The following SYCP2L variants were observed in gnomAD, a reference collection of about 807,000 sequenced individuals.
SYCP2L encodes synaptonemal complex protein 2 like.
In SYCP2L, 98 loss-of-function variants were observed where a neutral mutation model predicts 125.8. The ratio of observed to expected loss-of-function variants is 0.78; its 90% CI spans 0.66 to 0.92. The LOEUF is 0.92. Among genes scored for constraint, SYCP2L ranks in the 40% least tolerant of loss-of-function variants. The pLI is 0.00. For synonymous variants in SYCP2L, 317 were observed against 325.4 expected, an observed-to-expected ratio of 0.97 and a Z score of 0.28; for missense variants, 842 against 936.4, an observed-to-expected ratio of 0.90 and a Z score of 1.32.
intron 21 of SYCP2L, among the ~76,000 whole-genome samples, chr6:10,941,288 C>T (rs981923905): frequency 2.6e-5 from 4 of 152,032 alleles, no homozygotes; most frequent in Admixed American, 6.6e-5. Flanking sequence ...CAACAAAAGC[C>T]AAAATTGACA....
chr6:10,912,770 T>A lies in SYCP2L; in HGVS notation c.1011+5T>A. 1 of 1,612,470 alleles carries A rather than the reference T, an allele frequency of 6.2e-7. No homozygotes were observed. Among genetic ancestry groups the A allele is most frequent in the Non-Finnish European group, 8.5e-7 (1 of 1,178,714 alleles). ...TTTTATATAGACAATGCTGAGGTAA[T>A]GATGTTCGATTCTTGGTTAGAACTA... On this transcript the variant is annotated splice_donor_5th_base_variant and intron_variant, in intron 13 of 29. Transcript: ENST00000283141. The surrounding 1 kb of genome is among the most constrained non-coding windows in gnomAD (Gnocchi z 4.1).
intron 9 of SYCP2L, among the ~76,000 whole-genome samples, 189 bp from the exon 10 acceptor site, chr6:10,907,353 C>CA (rs59459507): frequency 0.11 from 15,633 of 138,804 alleles, 2,129 homozygotes; most frequent in African/African-American, 0.32. Flanking sequence ...GAGACAATCT[C>CA]AAAAAAAAAA....
intron 8 of SYCP2L, among the ~76,000 whole-genome samples, chr6:10,905,164 A>G (rs867639739): frequency 5.6e-5 from 8 of 143,154 alleles, no homozygotes; most frequent in Middle Eastern, 7.1e-3. Context: ...AAAAAAAAAA[A>G]AAGAAGAAGA....
chr6:10,936,915 C>T (rs1781107858), intron 21 of SYCP2L, among the ~76,000 whole-genome samples: 2 of 152,154 alleles, frequency 1.3e-5, no homozygotes, highest in Non-Finnish European at 1.5e-5. Flanking sequence ...TATATATATG[C>T]ACCCAACATT....
At chr6:10,898,495 A>G (rs1780322861) in intron 5 of SYCP2L, among the ~76,000 whole-genome samples, 1 of 152,194 alleles carries the variant, frequency 6.6e-6, no homozygotes, top group Non-Finnish European at 1.5e-5. Flanking sequence ...AGCCTGGGAA[A>G]CAAGAGTGAA....
chr6:10,896,582 T>C (rs1780263088), intron 4 of SYCP2L, among the ~76,000 whole-genome samples: 1 of 152,150 alleles, frequency 6.6e-6, no homozygotes, highest in Non-Finnish European at 1.5e-5. Context: ...GGACATTTCT[T>C]TTCTTGTGCT....
chr6:10,967,454 G>GGTGTGTGT (rs3066151), intron 29 of SYCP2L, among the ~76,000 whole-genome samples: 3,300 of 138,858 alleles, frequency 0.024, 76 homozygotes, highest in African/African-American at 0.063. Context: ...TGGGGTAGAG[G>GGTGTGTGT]GTGTGTGTGT....
intron 23 of SYCP2L, among the ~76,000 whole-genome samples, chr6:10,946,289 T>C (rs1287936086): frequency 6.6e-6 from 1 of 152,182 alleles, no homozygotes. Flanking sequence ...GAAATCATAA[T>C]GTGTCATTTC....
In SYCP2L at chr6:10,928,394, C is replaced by T; in HGVS notation, c.1441-9C>T. 2 of 1,373,838 alleles carry T rather than the reference C, an allele frequency of 1.5e-6. No homozygotes were observed. Among genetic ancestry groups the T allele is most frequent in the Non-Finnish European group, 2.0e-6 (2 of 979,870 alleles). The allele number at this position is 1,373,838 out of a possible 1,614,324, so 85.1% of individuals were successfully genotyped here. On this transcript the variant is annotated splice_polypyrimidine_tract_variant and intron_variant, in intron 17 of 29. Coordinates refer to ENST00000283141, the MANE Select transcript of SYCP2L (RefSeq NM_001040274.3). ...TGAAATCTTCACAATCCACGTTCTTCTGCCATAGCTTCAGCCGGTCCCTCC... is the reference window on the plus strand; with the variant it reads ...TGAAATCTTCACAATCCACGTTCTTTTGCCATAGCTTCAGCCGGTCCCTCC...
intron 4 of SYCP2L, among the ~76,000 whole-genome samples, chr6:10,894,459 C>A (rs1305762597): frequency 6.6e-6 from 1 of 152,118 alleles, no homozygotes; most frequent in Non-Finnish European, 1.5e-5. Context: ...TGAGCCTATG[C>A]AGTAATTATT....
At chr6:10,902,110 G>A (rs1780386454) in intron 6 of SYCP2L, among the ~76,000 whole-genome samples, 1 of 152,204 alleles carries the variant, frequency 6.6e-6, no homozygotes, top group Non-Finnish European at 1.5e-5. Flanking sequence ...AGCCAGTCTA[G>A]ATTTACCCCT....
At chr6:10,968,772 A>G (rs1781719450) in intron 29 of SYCP2L, among the ~76,000 whole-genome samples, 1 of 152,078 alleles carries the variant, frequency 6.6e-6, no homozygotes, top group Admixed American at 6.6e-5. Flanking sequence ...GGGGATGATG[A>G]CTGTCTTTCA....
intron 26 of SYCP2L, among the ~76,000 whole-genome samples, chr6:10,960,755 A>T (rs1209161209): frequency 6.6e-6 from 1 of 151,994 alleles, no homozygotes; most frequent in African/African-American, 2.4e-5. Flanking sequence ...ACTAAAAAAA[A>T]ATCAGCTTCC....
chr6:10,955,042 A>T, intron 23 of SYCP2L, 74 bp from the exon 24 acceptor site: 2 of 1,009,146 alleles, frequency 2.0e-6, no homozygotes, highest in Non-Finnish European at 3.1e-6. Flanking sequence ...TACTCTTCAC[A>T]GTAAGACATT....
chr6:10,896,415 A>G (rs1279439731), intron 4 of SYCP2L, among the ~76,000 whole-genome samples: 1 of 152,094 alleles, frequency 6.6e-6, no homozygotes, highest in Non-Finnish European at 1.5e-5. Context: ...CTCAACCAGT[A>G]TATTTGGGAG....
At chr6:10,919,179 C>A (rs558437869) in intron 14 of SYCP2L, among the ~76,000 whole-genome samples, 95 of 152,140 alleles carry the variant, frequency 6.2e-4, no homozygotes, top group African/African-American at 2.1e-3. Context: ...AGTTGGTTTT[C>A]TGGTTCTTTC....
chr6:10,942,282 T>G (rs2113379219), intron 21 of SYCP2L, among the ~76,000 whole-genome samples, 177 bp from the exon 22 acceptor site: 1 of 152,244 alleles, frequency 6.6e-6, no homozygotes, highest in East Asian at 1.9e-4. Flanking sequence ...ACCCTAAAAC[T>G]TAAAAGTATA....
At chr6:10,955,306 A>G (rs1781484146) in intron 24 of SYCP2L, 89 bp downstream of exon 24, 1 of 824,106 alleles carries the variant, frequency 1.2e-6, no homozygotes, top group Non-Finnish European at 2.0e-6. Flanking sequence ...CAAGGGAGGT[A>G]TAGTTTTAAG....
At chr6:10,969,464 C>T (rs1446762546) in intron 29 of SYCP2L, among the ~76,000 whole-genome samples, 1 of 151,006 alleles carries the variant, frequency 6.6e-6, no homozygotes, top group Non-Finnish European at 1.5e-5. Flanking sequence ...GAGTTCACGC[C>T]ATTCTCCAGC....
Sources: allele counts gnomAD v4.1 joint callset (sites outside exome capture counted in the v4.1 genomes callset), GRCh38; gene constraint gnomAD v4.1.1; non-coding constraint Gnocchi (gnomAD v3.1); transcripts MANE v1.5; gene names NCBI Gene and HGNC (gene_info 2026-07-23, HGNC 2026-07-21).